AKAP1: variants seen among roughly 807,000 people sequenced by gnomAD.
AKAP1 encodes A-kinase anchoring protein 1, also known as A-kinase anchor protein 1, mitochondrial.
A neutral mutation model predicts 79.8 loss-of-function variants in AKAP1; 32 were observed. The ratio of observed to expected loss-of-function variants is 0.40; its 90% confidence interval spans 0.30 to 0.54. The LOEUF (loss-of-function observed/expected upper bound fraction) is 0.54, where lower values mean the gene tolerates loss of function less well. Among genes scored for constraint, AKAP1 ranks in the 20% least tolerant of loss-of-function variants. The pLI is 0.47. For missense variants in AKAP1, 961 were observed against 1,138.9 expected (o/e 0.84, Z 2.25); for synonymous variants, 416 against 466.7 (o/e 0.89, Z 1.40).
intron 5 of AKAP1, among the ~76,000 whole-genome samples, chr17:57,113,675 T>G (rs549133062): frequency 2.2e-4 from 31 of 143,798 alleles, no homozygotes; most frequent in African/African-American, 8.1e-4. Flanking sequence ...TGATCTTGGC[T>G]CACTGCAACC....
At chr17:57,090,965 C>T (rs1318222154) in intron 1 of AKAP1, among the ~76,000 whole-genome samples, 1 of 152,206 alleles carries the variant, frequency 6.6e-6, no homozygotes, top group African/African-American at 2.4e-5. Context: ...AGTAGCTGGC[C>T]TCCTGATTAG....
At position 57,120,849 on chromosome 17, in the gene AKAP1, G is replaced by A. The variant is rs2144805699; in HGVS notation, c.*525G>A. 1.3e-5 allele frequency: 2 copies of A among 152,890 alleles called. No individual in the cohort carries two copies. Among genetic ancestry groups the A allele is most frequent in the East Asian group, 3.9e-4 (2 of 5,186 alleles). 9.5% of individuals were successfully genotyped at this position (152,890 alleles called of 1,614,324 possible). A position where few individuals can be genotyped will look rare whatever the true frequency, so the allele number is the denominator to read the frequency against. The stretch of plus-strand genomic sequence containing the variant: ...ACCAGTTTTTATAAACTTCATTTAG[G>A]TCTCTAAACACAGACTTTTTAAATT... On this transcript the variant is annotated 3_prime_UTR_variant, in exon 11 of 11. Transcript: ENST00000337714.
rs1369171066 is a variant in AKAP1, at chr17:57,110,787, C to G, written c.1848+629C>G. On this transcript the variant is annotated intron_variant, in intron 3 of 10. Transcript: ENST00000337714. The stretch of plus-strand genomic sequence containing the variant: ...AAAATGTAACTGTAACTGCATTATT[C>G]ACTGTGTGGATGTCAGTTTACTTCA... 1.3e-5 allele frequency among the ~76,000 whole-genome samples: 2 copies of G among 152,146 alleles called. 1 individual carries two copies. Among genetic ancestry groups the G allele is most frequent in the East Asian group, 3.9e-4 (2 of 5,190 alleles).
At position 57,105,653 on chromosome 17, in the gene AKAP1, C is replaced by T. The variant is rs1914803644; in HGVS notation, c.189C>T (p.Val63=). The change falls in exon 2 of 11, where the codon GTC becomes GTT. Residue 63 remains valine (V), a synonymous_variant. Coordinates refer to ENST00000337714, the MANE Select transcript of AKAP1 (RefSeq NM_003488.4). The part of the protein sequence containing the change: ...AIKEPLPVED[V]CPKVVSTPPS... ...AGGAACCTCTCCCCGTGGAAGACGT[C>T]TGTCCCAAAGTAGTGTCCACACCCC... 6.2e-7 allele frequency: 1 copy of T among 1,614,066 alleles called. No individual in the cohort carries two copies. Among genetic ancestry groups the T allele is most frequent in the Admixed American group, 1.7e-5 (1 of 60,008 alleles).
Position 57,105,599 on chromosome 17 carries a change from T to C in AKAP1, c.135T>C (p.Ala45=). 1.9e-6 allele frequency: 3 copies of C among 1,614,140 alleles called. No homozygotes were observed. Among genetic ancestry groups the C allele is most frequent in the Non-Finnish European group, 2.5e-6 (3 of 1,180,022 alleles). ...ATGAGCAGCAGGTGGAGGCTGGTGC[T>C]GTGCAGCTGAGGGCTGACCCTGCCA... ...SHDEQQVEAG[A]VQLRADPAIK... Residue 45 remains alanine (A), a synonymous_variant, in exon 2 of 11, where the codon GCT becomes GCC. Coordinates refer to ENST00000337714, the MANE Select transcript of AKAP1 (RefSeq NM_003488.4).
intron 1 of AKAP1, among the ~76,000 whole-genome samples, chr17:57,097,746 G>A (rs1204691631): frequency 6.6e-6 from 1 of 152,236 alleles, no homozygotes; most frequent in Non-Finnish European, 1.5e-5. Flanking sequence ...CTTTGTCAGT[G>A]TGAACACTGG....
Position 57,086,195 on chromosome 17 carries a change from G to A in AKAP1, c.-25+797G>A, listed in dbSNP as rs1409638194. 3.1e-6 allele frequency: 1 copy of A among 322,272 alleles called. No individual in the cohort carries two copies. Among genetic ancestry groups the A allele is most frequent in the African/African-American group, 2.3e-5 (1 of 44,040 alleles). 20.0% of individuals were successfully genotyped at this position (322,272 alleles called of 1,614,324 possible). On this transcript the variant is annotated intron_variant, in intron 1 of 10. Coordinates refer to ENST00000337714, the MANE Select transcript of AKAP1 (RefSeq NM_003488.4). The surrounding 1 kb of genome is among the most constrained non-coding windows in gnomAD (Gnocchi z 5.1). ...CGACCTCACGCCCGGGGGCCCCGAC[G>A]GTCACGTGTCCGGCCCCGCCTGCGG...
chr17:57,089,304 A>G (rs993215190), intron 1 of AKAP1, among the ~76,000 whole-genome samples: 2 of 152,164 alleles, frequency 1.3e-5, no homozygotes, highest in Admixed American at 1.3e-4. Context: ...CTCACTGTTC[A>G]TCTCAAGTTC....
At chr17:57,109,859 G>A (rs1915126451) in intron 2 of AKAP1, among the ~76,000 whole-genome samples, 166 bp from the exon 3 acceptor site, 1 of 152,176 alleles carries the variant, frequency 6.6e-6, no homozygotes, top group Admixed American at 6.5e-5. Context: ...CCTTTCATTG[G>A]GGTTGTTCTG....
At chr17:57,088,825 T>C (rs1913611886) in intron 1 of AKAP1, among the ~76,000 whole-genome samples, 1 of 152,202 alleles carries the variant, frequency 6.6e-6, no homozygotes, top group African/African-American at 2.4e-5. Flanking sequence ...ACCATCTGGT[T>C]GTTTTTCCGG....
intron 1 of AKAP1, among the ~76,000 whole-genome samples, chr17:57,103,963 A>C (rs925221785): frequency 5.3e-5 from 8 of 151,936 alleles, no homozygotes; most frequent in Admixed American, 1.3e-4. Flanking sequence ...TAACTGACTT[A>C]GGTTTCTAGG....
At chr17:57,116,702 G>A (rs1396551741) in intron 7 of AKAP1, among the ~76,000 whole-genome samples, 158 bp from the exon 8 acceptor site, 1 of 152,238 alleles carries the variant, frequency 6.6e-6, no homozygotes, top group Non-Finnish European at 1.5e-5. Context: ...GGCTGGCTGT[G>A]TTTGGGTGTG....
chr17:57,119,319 G>A (rs538875308), intron 10 of AKAP1, among the ~76,000 whole-genome samples: 3 of 152,142 alleles, frequency 2.0e-5, no homozygotes, highest in Non-Finnish European at 2.9e-5. Flanking sequence ...TAGCGCCAAG[G>A]TGGAGAAACC....
chr17:57,089,420 T>C (rs1913649064), intron 1 of AKAP1, among the ~76,000 whole-genome samples: 2 of 152,218 alleles, frequency 1.3e-5, no homozygotes, highest in Non-Finnish European at 2.9e-5. Context: ...GCCTTGTCTG[T>C]AGGGTAGCTG....
At chr17:57,107,574 T>G (rs1784902554) in intron 2 of AKAP1, among the ~76,000 whole-genome samples, 1 of 152,166 alleles carries the variant, frequency 6.6e-6, no homozygotes, top group Admixed American at 6.5e-5. Context: ...TGGGCTCAAG[T>G]GATCCTTCCG....
In AKAP1 at chr17:57,105,711, T is replaced by C; in HGVS notation, c.247T>C (p.Ser83Pro). ...SVTEPPEKEL[S>P]TVSKLPAEPP... ...CACAGAGCCTCCAGAAAAGGAACTG[T>C]CCACCGTGAGCAAGCTGCCTGCAGA... Residue 83 changes from serine (S) to proline (P), a missense_variant, in exon 2 of 11, where the codon TCC becomes CCC. Ser to Pro is a moderately conservative substitution (Grantham distance 74, BLOSUM62 -1). This residue lies in a region of AKAP1 where 108 missense variants were observed against 147.6 expected (regional missense o/e 0.73). Transcript: ENST00000337714. The C allele has an allele frequency of 6.2e-7, 1 of 1,614,072 alleles. No individual in the cohort carries two copies. Among genetic ancestry groups the C allele is most frequent in the Non-Finnish European group, 8.5e-7 (1 of 1,180,012 alleles).
chr17:57,108,454 CT>C (rs1361406351), intron 2 of AKAP1, among the ~76,000 whole-genome samples: 4 of 152,070 alleles, frequency 2.6e-5, no homozygotes, highest in African/African-American at 7.2e-5. Context: ...AGGAGTTTCC[CT>C]TTGCTTACTG....
rs71363890 is a variant in AKAP1 at position 57,100,428 on chromosome 17, A to AAC, written c.-24-4996_-24-4995dup. The stretch of plus-strand genomic sequence containing the variant: ...TGGTGTGAAACTCCATCTCTGCTAA[A>AAC]ACACACACACACACACACGCACACA... On this transcript the variant is annotated intron_variant, in intron 1 of 10. Coordinates refer to ENST00000337714, the MANE Select transcript of AKAP1 (RefSeq NM_003488.4). Among the ~76,000 whole-genome samples, 894 of 149,794 alleles carry AAC rather than the reference A, an allele frequency of 6.0e-3. 10 individuals carry two copies. Among genetic ancestry groups the AAC allele is most frequent in the South Asian group, 0.034 (163 of 4,744 alleles).
intron 2 of AKAP1, among the ~76,000 whole-genome samples, chr17:57,109,687 TC>T (rs1327207190): frequency 6.6e-6 from 1 of 152,128 alleles, no homozygotes; most frequent in Non-Finnish European, 1.5e-5. Context: ...GCGTGTCTCC[TC>T]CCCCGCCCTC....
Sources: allele counts gnomAD v4.1 joint callset (sites outside exome capture counted in the v4.1 genomes callset), GRCh38; gene constraint gnomAD v4.1.1; regional missense constraint gnomAD v4.1.1; non-coding constraint Gnocchi (gnomAD v3.1); transcripts MANE v1.5; gene names NCBI Gene and HGNC (gene_info 2026-07-23, HGNC 2026-07-21).